The following TTC21B variants were observed in gnomAD, a reference collection of about 807,000 sequenced individuals.
TTC21B encodes tetratricopeptide repeat protein 21B.
Under a neutral mutation model 175.1 loss-of-function variants are expected in TTC21B, and 127 were observed. That is an observed-to-expected ratio of 0.73 (90% CI 0.63 to 0.84). The LOEUF (loss-of-function observed/expected upper bound fraction) is 0.84. TTC21B is among the 40% of genes least tolerant of loss of function. The pLI, the probability that TTC21B is intolerant of heterozygous loss-of-function variation, is 0.00. For missense variants in TTC21B, 1,561 were observed against 1,558.3 expected (o/e 1.00, Z -0.03); for synonymous variants, 524 against 524.5 (o/e 1.00, Z 0.01).
In TTC21B at chr2:165,876,017, G is replaced by T. The variant is rs3764998; in HGVS notation, c.3873+148C>A. On this transcript the variant is annotated intron_variant, in intron 28 of 28. Coordinates refer to ENST00000243344, the MANE Select transcript of TTC21B (RefSeq NM_024753.5). ...AGGTGAACATCATTTTCTAAATTTC[G>T]AACACTGATAATCTCCCTAAACATA... The T allele has an allele frequency of 0.16, 96,204 of 587,598 alleles. 8,582 individuals are homozygous for T. Among genetic ancestry groups the T allele is most frequent in the South Asian group, 0.2 (9,727 of 48,270 alleles). 36.4% of individuals were successfully genotyped at this position (587,598 alleles called of 1,614,324 possible). A position where few individuals can be genotyped will look rare whatever the true frequency, so the allele number is the denominator to read the frequency against.
At position 165,943,224 on chromosome 2, in the gene TTC21B, C is replaced by T; in HGVS notation, c.547G>A (p.Gly183Ser). The change falls in exon 5 of 29, where the codon GGT (glycine) becomes AGT (serine). Residue 183 changes from glycine (G) to serine (S), a missense_variant. Transcript: ENST00000243344. ...QDGNDTFALLGKAQCLEMRQN... is the reference protein window; with the variant it reads ...QDGNDTFALLSKAQCLEMRQN... ...TTACCCTAACTCCAACTCACCTTAC[C>T]CAGCAGAGCAAAAGTATCATTCCCA... The T allele has an allele frequency of 6.2e-7, 1 of 1,613,554 alleles. No individual in the cohort carries two copies. The highest frequency in any genetic ancestry group is 8.5e-7 in the Non-Finnish European group (1 of 1,179,590).
At chr2:165,907,510 T>C (rs571057770) in intron 19 of TTC21B, among the ~76,000 whole-genome samples, 168 bp downstream of exon 19, 30 of 152,214 alleles carry the variant, frequency 2.0e-4, no homozygotes, top group African/African-American at 4.1e-4. Context: ...ATAGTAGTAA[T>C]AGTATATTTA....
intron 27 of TTC21B, among the ~76,000 whole-genome samples, chr2:165,877,408 C>T (rs115934928): frequency 6.6e-6 from 1 of 152,206 alleles, no homozygotes; most frequent in African/African-American, 2.4e-5. Flanking sequence ...CAACAGACCA[C>T]ATACATGATG....
At chr2:165,912,071 G>C (rs1685970483) in intron 17 of TTC21B, among the ~76,000 whole-genome samples, 1 of 152,050 alleles carries the variant, frequency 6.6e-6, no homozygotes, top group Non-Finnish European at 1.5e-5. Context: ...CATACATTTT[G>C]CTAGCTGTTG....
intron 26 of TTC21B, among the ~76,000 whole-genome samples, chr2:165,883,192 A>G (rs1165176448): frequency 6.6e-6 from 1 of 152,160 alleles, no homozygotes. Flanking sequence ...CAACAAAAAA[A>G]TAAATCTTAA....
At chr2:165,933,239 T>C (rs1485612978) in intron 6 of TTC21B, among the ~76,000 whole-genome samples, 182 bp from the exon 7 acceptor site, 3 of 152,220 alleles carry the variant, frequency 2.0e-5, no homozygotes, top group Non-Finnish European at 4.4e-5. Flanking sequence ...TAAAAGTCTC[T>C]GGAGTTTAAT....
intron 13 of TTC21B, among the ~76,000 whole-genome samples, chr2:165,917,971 C>G (rs563240416): frequency 6.6e-6 from 1 of 152,030 alleles, no homozygotes; most frequent in Non-Finnish European, 1.5e-5. Context: ...CTGAAGCTTC[C>G]ATCTTTACGT....
At chr2:165,948,348 T>C (rs1204290080) in intron 3 of TTC21B, 1 of 152,248 alleles carries the variant, frequency 6.6e-6, no homozygotes, top group Non-Finnish European at 1.5e-5. Flanking sequence ...GATTACCAAC[T>C]TGATGACATG....
At chr2:165,881,413 A>G (rs1169101428) in intron 26 of TTC21B, among the ~76,000 whole-genome samples, 3 of 152,172 alleles carry the variant, frequency 2.0e-5, no homozygotes, top group African/African-American at 7.2e-5. Context: ...TGAAATAAGG[A>G]CCAAACATTG....
intron 6 of TTC21B, among the ~76,000 whole-genome samples, chr2:165,933,545 G>A (rs1235329463): frequency 2.6e-5 from 4 of 151,992 alleles, no homozygotes; most frequent in Admixed American, 1.3e-4. Flanking sequence ...AAACATAACA[G>A]GCATAAACTT....
intron 27 of TTC21B, among the ~76,000 whole-genome samples, 190 bp downstream of exon 27, chr2:165,880,489 T>C (rs1263122964): frequency 1.3e-5 from 2 of 152,176 alleles, no homozygotes; most frequent in Non-Finnish European, 2.9e-5. Flanking sequence ...AGTTTGGAAC[T>C]CAGGAAACTG....
intron 7 of TTC21B, 35 bp from the exon 8 acceptor site, chr2:165,931,891 T>C: frequency 7.0e-7 from 1 of 1,433,586 alleles, no homozygotes; most frequent in Non-Finnish European, 9.8e-7. Context: ...ACTTAAAATA[T>C]ACTAAGTAAA....
At chr2:165,882,837 C>T (rs1450707701) in intron 26 of TTC21B, among the ~76,000 whole-genome samples, 1 of 152,012 alleles carries the variant, frequency 6.6e-6, no homozygotes, top group Non-Finnish European at 1.5e-5. Flanking sequence ...TTGGTTAATC[C>T]TAGACTAGAT....
intron 26 of TTC21B, among the ~76,000 whole-genome samples, chr2:165,882,140 CTGATTCTCCCT>C (rs1176773374): frequency 1.3e-5 from 2 of 152,124 alleles, no homozygotes; most frequent in Non-Finnish European, 2.9e-5. Flanking sequence ...CACAGAATGT[CTGATTCTCCCT>C]CTTTTTGTGA....
intron 3 of TTC21B, among the ~76,000 whole-genome samples, chr2:165,946,169 C>CAAA (rs3032577): frequency 3.5e-4 from 41 of 116,562 alleles, no homozygotes; most frequent in African/African-American, 1.4e-3. Flanking sequence ...ACTAAAGATA[C>CAAA]AAAAAAAAAA....
chr2:165,945,441 A>G (rs1274632532), intron 4 of TTC21B, 83 bp downstream of exon 4: 52 of 1,294,668 alleles, frequency 4.0e-5, no homozygotes, highest in Non-Finnish European at 5.6e-5. Flanking sequence ...AATAATAAAG[A>G]GCTAAATCAC....
At chr2:165,878,207 T>C (rs1174744200) in intron 27 of TTC21B, among the ~76,000 whole-genome samples, 1 of 152,196 alleles carries the variant, frequency 6.6e-6, no homozygotes, top group African/African-American at 2.4e-5. Flanking sequence ...AATCACAGAA[T>C]TTTAACACTG....
At chr2:165,896,583 G>C (rs1685373134) in intron 22 of TTC21B, among the ~76,000 whole-genome samples, 1 of 152,136 alleles carries the variant, frequency 6.6e-6, no homozygotes, top group African/African-American at 2.4e-5. Flanking sequence ...GGTGCTACTT[G>C]ATGTAGGCCA....
At chr2:165,890,441 G>A (rs1198279885) in intron 24 of TTC21B, 38 bp downstream of exon 24, 4 of 1,599,308 alleles carry the variant, frequency 2.5e-6, no homozygotes, top group Admixed American at 3.3e-5. Context: ...TCTCCAACAA[G>A]TGTTTTTTAA....
Sources: gnomAD v4.1 joint callset for allele counts (sites outside exome capture counted in the v4.1 genomes callset) on GRCh38, gnomAD v4.1.1 for gene constraint, MANE v1.5 for transcripts, NCBI Gene and HGNC (gene_info 2026-07-23, HGNC 2026-07-21) for gene names.